CDH18: variants seen among roughly 807,000 people sequenced by gnomAD.
The protein encoded by CDH18 is cadherin-18.
A neutral mutation model predicts 67.9 loss-of-function variants in CDH18; 31 were observed. That is an observed-to-expected ratio of 0.46 (90% CI 0.34 to 0.62). CDH18 has a LOEUF of 0.62. CDH18 is among the 20% of genes least tolerant of loss of function. The pLI, the probability that CDH18 is intolerant of heterozygous loss-of-function variation, is 0.01. For missense variants in CDH18, 890 were observed against 975.5 expected (o/e 0.91, Z 1.17); for synonymous variants, 362 against 347.2 (o/e 1.04, Z -0.48).
intron 10 of CDH18, among the ~76,000 whole-genome samples, chr5:19,517,425 C>T (rs1746205950): frequency 6.6e-6 from 1 of 151,912 alleles, no homozygotes. Flanking sequence ...TTTCAAAGAG[C>T]ATCTTTTTCA....
At chr5:20,091,568 A>G (rs1268827167) in intron 2 of CDH18, among the ~76,000 whole-genome samples, 1 of 152,142 alleles carries the variant, frequency 6.6e-6, no homozygotes, top group Admixed American at 6.6e-5. Flanking sequence ...GGATTTAAAT[A>G]TGGCCATCAT....
chr5:20,252,408 T>G (rs1368154563), intron 2 of CDH18, among the ~76,000 whole-genome samples: 1 of 152,050 alleles, frequency 6.6e-6, no homozygotes, highest in Non-Finnish European at 1.5e-5. Context: ...AGGTATATTT[T>G]ATCAACTATC....
chr5:19,606,398 A>C (rs1173531015), intron 6 of CDH18, among the ~76,000 whole-genome samples: 1 of 152,248 alleles, frequency 6.6e-6, no homozygotes, highest in South Asian at 2.1e-4. Flanking sequence ...TTTTGAAATA[A>C]GTATGGTTAA....
intron 1 of CDH18, among the ~76,000 whole-genome samples, chr5:20,363,270 A>C (rs1742236170): frequency 6.6e-6 from 1 of 151,870 alleles, no homozygotes; most frequent in Non-Finnish European, 1.5e-5. Flanking sequence ...GAATCCCCTG[A>C]GGTCAGGAGC....
In CDH18 at chr5:20,264,337, G is replaced by T. The variant is rs538636692; in HGVS notation, c.-579-8832C>A. 3.3e-5 allele frequency among the ~76,000 whole-genome samples: 5 copies of T among 151,810 alleles called. No individual in the cohort carries two copies. The South Asian group carries it at 1.0e-3, about 31-fold the overall frequency. On this transcript the variant is annotated intron_variant, in intron 1 of 14. Coordinates refer to the CDH18 transcript ENST00000507958. ...AAAAATGCTTTAAAATTATCCCAAGGCATAAAAATGTAAATATTAGCATAA... is the reference window on the plus strand; with the variant it reads ...AAAAATGCTTTAAAATTATCCCAAGTCATAAAAATGTAAATATTAGCATAA...
At chr5:20,420,401 G>T (rs1259892284) in intron 1 of CDH18, among the ~76,000 whole-genome samples, 1 of 150,896 alleles carries the variant, frequency 6.6e-6, no homozygotes, top group Non-Finnish European at 1.5e-5. Flanking sequence ...ACCAACAAGT[G>T]GAAAAATCGA....
chr5:19,555,797 C>T (rs1296344355), intron 8 of CDH18, among the ~76,000 whole-genome samples: 1 of 152,152 alleles, frequency 6.6e-6, no homozygotes, highest in Non-Finnish European at 1.5e-5. Flanking sequence ...GCACCACCTC[C>T]TGGCTGGAGG....
Position 20,148,089 on chromosome 5 carries a change from G to GT in CDH18, c.-518+107354dup, listed in dbSNP as rs200117946. 2.3e-3 allele frequency among the ~76,000 whole-genome samples: 339 copies of GT among 144,528 alleles called. 2 individuals carry two copies. The East Asian group carries it at 0.033, about 14-fold the overall frequency. 94.8% of individuals were successfully genotyped at this position (144,528 alleles called of 152,430 possible). On this transcript the variant is annotated intron_variant, in intron 2 of 14. Transcript: ENST00000507958. The stretch of plus-strand genomic sequence containing the variant: ...AGCATACAATAGTGTCTTTTGTTTT[G>GT]TTTTTTTTTTTCTTTTTTTTGAGAC...
At chr5:19,809,837 A>AT (rs941317885) in intron 3 of CDH18, among the ~76,000 whole-genome samples, 3 of 152,278 alleles carry the variant, frequency 2.0e-5, no homozygotes, top group African/African-American at 4.8e-5. Context: ...TAAGAACCCC[A>AT]TTTTTTCCCA....
At chr5:19,635,985 C>T (rs1469311859) in intron 5 of CDH18, among the ~76,000 whole-genome samples, 7 of 152,038 alleles carry the variant, frequency 4.6e-5, no homozygotes, top group Admixed American at 2.0e-4. Flanking sequence ...AGAAAAATTT[C>T]GTCTTAGTAA....
At chr5:20,374,104 C>T (rs73058713) in intron 1 of CDH18, among the ~76,000 whole-genome samples, 1 of 151,944 alleles carries the variant, frequency 6.6e-6, no homozygotes, top group Non-Finnish European at 1.5e-5. Flanking sequence ...CACAAGGATA[C>T]CAAACCTAGA....
At chr5:19,593,206 A>G (rs1337114809) in intron 6 of CDH18, among the ~76,000 whole-genome samples, 2 of 152,150 alleles carry the variant, frequency 1.3e-5, no homozygotes, top group African/African-American at 4.8e-5. Flanking sequence ...TAGGTCATAT[A>G]GTAATTTTAC....
intron 4 of CDH18, among the ~76,000 whole-genome samples, chr5:19,742,828 T>C (rs558493870): frequency 3.9e-5 from 6 of 152,306 alleles, no homozygotes; most frequent in Non-Finnish European, 5.9e-5. Context: ...TTAATGAGTA[T>C]ATGATAAAAA....
In CDH18 at chr5:20,452,526, C is replaced by T. The variant is rs187850939; in HGVS notation, c.-580+122936G>A. On this transcript the variant is annotated intron_variant, in intron 1 of 14. Coordinates refer to the CDH18 transcript ENST00000507958. ...CAGTAAGAGAAAACTAAATACTGCA[C>T]GTCCTGATTTATAAGTAAGAGCTAA... 5.3e-5 allele frequency among the ~76,000 whole-genome samples: 8 copies of T among 152,104 alleles called. No individual in the cohort carries two copies. In the East Asian group the frequency reaches 9.7e-4, roughly 18 times the overall value.
At chr5:20,322,328 T>C (rs926628727) in intron 1 of CDH18, among the ~76,000 whole-genome samples, 4 of 152,080 alleles carry the variant, frequency 2.6e-5, no homozygotes, top group African/African-American at 9.7e-5. Flanking sequence ...TAAAAGAGAA[T>C]GATAACTAAA....
At chr5:19,905,072 A>T (rs560888655) in intron 2 of CDH18, among the ~76,000 whole-genome samples, 1 of 152,278 alleles carries the variant, frequency 6.6e-6, no homozygotes, top group East Asian at 1.9e-4. Context: ...AGCTTCTGAA[A>T]GGTGGGGCTA....
At chr5:19,479,854 A>T (rs1167430319) in intron 12 of CDH18, among the ~76,000 whole-genome samples, 1 of 152,182 alleles carries the variant, frequency 6.6e-6, no homozygotes, top group Non-Finnish European at 1.5e-5. Context: ...TAAACATATC[A>T]TATAGTAACT....
At chr5:19,489,325 G>A (rs1186809177) in intron 11 of CDH18, among the ~76,000 whole-genome samples, 1 of 144,318 alleles carries the variant, frequency 6.9e-6, no homozygotes, top group Non-Finnish European at 1.5e-5. Context: ...TTGGCTCACT[G>A]CAACCTCCAC....
intron 1 of CDH18, among the ~76,000 whole-genome samples, chr5:20,408,577 G>A (rs1746499798): frequency 6.6e-6 from 1 of 151,420 alleles, no homozygotes; most frequent in Admixed American, 6.6e-5. Flanking sequence ...TGAAGAAAAT[G>A]CAAATATAAA....
Sources: allele counts gnomAD v4.1 joint callset (sites outside exome capture counted in the v4.1 genomes callset), GRCh38; gene constraint gnomAD v4.1.1; transcripts MANE v1.5; gene names NCBI Gene and HGNC (gene_info 2026-07-23, HGNC 2026-07-21).